HERC3: variants seen among roughly 807,000 people sequenced by gnomAD.
The protein encoded by HERC3 is probable E3 ubiquitin-protein ligase HERC3.
Under a neutral mutation model 129.9 loss-of-function variants are expected in HERC3, and 58 were observed. The observed-to-expected ratio is 0.45, with a 90% CI of 0.36 to 0.56. The LOEUF is 0.56. Among genes scored for constraint, HERC3 ranks in the 20% least tolerant of loss-of-function variants. The pLI is 0.00. For synonymous variants in HERC3, 430 were observed against 451.0 expected (o/e 0.95, Z 0.59); for missense variants, 835 against 1,244.2 (o/e 0.67, Z 4.95).
At chr4:88,682,531 T>C (rs1732912649) in intron 21 of HERC3, among the ~76,000 whole-genome samples, 1 of 143,060 alleles carries the variant, frequency 7.0e-6, no homozygotes. Flanking sequence ...GTCCATGTGT[T>C]CTCATTGTTC....
At chr4:88,615,232 G>A (rs1724777142) in intron 3 of HERC3, among the ~76,000 whole-genome samples, 1 of 151,796 alleles carries the variant, frequency 6.6e-6, no homozygotes, top group Non-Finnish European at 1.5e-5. Context: ...ATCTAGGTTG[G>A]TGATCTATGA....
At chr4:88,553,131 A>G in the HERC3 span, among the ~76,000 whole-genome samples, 1 of 152,208 alleles carries the variant, frequency 6.6e-6, no homozygotes. Flanking sequence ...GCCATAATGG[A>G]CCATGGGTAA....
chr4:88,646,088 C>A (rs1415711277), intron 3 of HERC3, among the ~76,000 whole-genome samples: 1 of 152,114 alleles, frequency 6.6e-6, no homozygotes, highest in Non-Finnish European at 1.5e-5. Context: ...ACCTGGTGTC[C>A]ATCCCAGTTC....
At chr4:88,687,357 C>A in intron 23 of HERC3, 58 bp downstream of exon 23, 1 of 1,125,040 alleles carries the variant, frequency 8.9e-7, no homozygotes, top group Non-Finnish European at 1.3e-6. Context: ...TGCAGTTTTA[C>A]ATTTAAGACC....
intron 23 of HERC3, among the ~76,000 whole-genome samples, chr4:88,687,970 T>C (rs1485485279): frequency 6.6e-6 from 1 of 152,218 alleles, no homozygotes; most frequent in Non-Finnish European, 1.5e-5. Context: ...TTACAAACAC[T>C]GAGTGCCCAC....
Position 88,632,064 on chromosome 4 carries a change from T to G in HERC3, c.227-17776T>G, listed in dbSNP as rs1484083612. Reference sequence around the variant, plus strand: ...ATTTGGCCCCAGAGGCAGAAGTCCATAGGCTAGAGGACTAAAAAGGAACCC... The same window carrying G: ...ATTTGGCCCCAGAGGCAGAAGTCCAGAGGCTAGAGGACTAAAAAGGAACCC... On this transcript the variant is annotated intron_variant, in intron 3 of 25. Transcript: ENST00000402738. Among the ~76,000 whole-genome samples the G allele has an allele frequency of 3.9e-5, 6 of 152,284 alleles. No homozygotes were observed. The East Asian group carries it at 1.2e-3, about 29-fold the overall frequency.
chr4:88,663,935 CT>C (rs1258455625), intron 11 of HERC3, among the ~76,000 whole-genome samples: 2 of 151,858 alleles, frequency 1.3e-5, no homozygotes, highest in Non-Finnish European at 2.9e-5. Flanking sequence ...CTTTGATATT[CT>C]TTTTTTTCCC....
intron 3 of HERC3, among the ~76,000 whole-genome samples, chr4:88,636,602 G>A (rs1249225635): frequency 6.6e-6 from 1 of 152,124 alleles, no homozygotes; most frequent in Admixed American, 6.5e-5. Flanking sequence ...CAATTAACAA[G>A]GATATTCAGG....
At chr4:88,585,163 T>C in the HERC3 span, among the ~76,000 whole-genome samples, 1 of 152,182 alleles carries the variant, frequency 6.6e-6, no homozygotes, top group African/African-American at 2.4e-5. Context: ...TGGGCACTAA[T>C]TCTAGTCACA....
At chr4:88,592,885 C>T (rs1364278780) in intron 1 of HERC3, among the ~76,000 whole-genome samples, 1 of 151,846 alleles carries the variant, frequency 6.6e-6, no homozygotes, top group Non-Finnish European at 1.5e-5. Context: ...GGGAGCGCCT[C>T]CCGCCCGCGC....
chr4:88,619,936 A>G (rs969102364), intron 3 of HERC3, among the ~76,000 whole-genome samples: 2 of 152,202 alleles, frequency 1.3e-5, no homozygotes, highest in African/African-American at 4.8e-5. Context: ...GTGATCACTC[A>G]TGTAGGAAAA....
chr4:88,592,271 T>A (rs969614424), upstream of HERC3, among the ~76,000 whole-genome samples: 1 of 151,620 alleles, frequency 6.6e-6, no homozygotes, highest in Non-Finnish European at 1.5e-5. Context: ...CGCCGGGCCC[T>A]CGAGTCCTGT....
chr4:88,582,433 A>G, the HERC3 span, among the ~76,000 whole-genome samples: 1 of 152,184 alleles, frequency 6.6e-6, no homozygotes, highest in African/African-American at 2.4e-5. Flanking sequence ...CCTCAGAAAT[A>G]AATTGCAGAA....
In HERC3 at chr4:88,707,787, T is replaced by G. The variant is rs1016736482; in HGVS notation, c.*827T>G. The G allele has an allele frequency of 6.6e-6, 1 of 152,580 alleles. No individual in the cohort carries two copies. Among genetic ancestry groups the G allele is most frequent in the Admixed American group, 6.5e-5 (1 of 15,278 alleles). The allele number at this position is 152,580 out of a possible 1,614,324, so 9.5% of individuals were successfully genotyped here. On this transcript the variant is annotated 3_prime_UTR_variant, in exon 26 of 26. Coordinates refer to ENST00000402738, the MANE Select transcript of HERC3 (RefSeq NM_014606.3). ...CGCTTTTGGAGCAAGTTGCATTAAC[T>G]ATTTTGAGTCTCTATATTGTCCAAG...
chr4:88,588,500 T>C (rs185516448), upstream of HERC3, among the ~76,000 whole-genome samples: 13 of 152,350 alleles, frequency 8.5e-5, no homozygotes, highest in African/African-American at 2.9e-4. Flanking sequence ...TACATAACCA[T>C]ACAAGGTACA....
chr4:88,671,696 G>A (rs1309081831), intron 16 of HERC3, among the ~76,000 whole-genome samples: 5 of 151,892 alleles, frequency 3.3e-5, no homozygotes, highest in Non-Finnish European at 7.4e-5. Context: ...GCTAATTTTT[G>A]TATTTTTTGT....
chr4:88,551,523 A>G, the HERC3 span, among the ~76,000 whole-genome samples: 3 of 151,242 alleles, frequency 2.0e-5, no homozygotes, highest in Non-Finnish European at 4.4e-5. Flanking sequence ...GCCAAAAGAC[A>G]CATGAAAAAA....
intron 21 of HERC3, among the ~76,000 whole-genome samples, chr4:88,686,358 A>G (rs1023919567): frequency 6.6e-6 from 1 of 152,204 alleles, no homozygotes; most frequent in Non-Finnish European, 1.5e-5. Flanking sequence ...TTACTAATGC[A>G]TAAGCCGGTG....
intron 3 of HERC3, among the ~76,000 whole-genome samples, chr4:88,646,190 C>G (rs1360723399): frequency 3.3e-5 from 5 of 152,164 alleles, no homozygotes; most frequent in Non-Finnish European, 7.4e-5. Flanking sequence ...AGGGTTGTTG[C>G]AAGGCTTAAG....
Sources: allele counts gnomAD v4.1 joint callset (sites outside exome capture counted in the v4.1 genomes callset), GRCh38; gene constraint gnomAD v4.1.1; transcripts MANE v1.5; gene names NCBI Gene and HGNC (gene_info 2026-07-23, HGNC 2026-07-21).